SGCD: variants seen among roughly 807,000 people sequenced by gnomAD.
SGCD encodes sarcoglycan delta, also known as delta-sarcoglycan.
A neutral mutation model predicts 36.6 loss-of-function variants in SGCD; 18 were observed. The observed-to-expected ratio is 0.49, with a 90% CI of 0.34 to 0.73. SGCD has a LOEUF of 0.73. Among genes scored for constraint, SGCD ranks in the 30% least tolerant of loss-of-function variants. SGCD has a pLI of 0.01. For synonymous variants in SGCD, 133 were observed against 130.6 expected (o/e 1.02, Z -0.12); for missense variants, 387 against 346.7 (o/e 1.12, Z -0.92).
chr5:156,616,908 T>C lies in SGCD; in HGVS notation c.502+21857T>C, dbSNP rs146022079. Among the ~76,000 whole-genome samples the C allele has an allele frequency of 4.8e-3, 729 of 152,262 alleles. 4 individuals carry two copies. Among genetic ancestry groups the C allele is most frequent in the Non-Finnish European group, 4.9e-3 (333 of 68,014 alleles). ...TTGCTTTTGCAGTACAGTGGCAGAGTTGAGTAGTTGAGACAGAGATCATAT... is the reference window on the plus strand; with the variant it reads ...TTGCTTTTGCAGTACAGTGGCAGAGCTGAGTAGTTGAGACAGAGATCATAT... On this transcript the variant is annotated intron_variant, in intron 6 of 8. Coordinates refer to ENST00000337851, the MANE Select transcript of SGCD (RefSeq NM_000337.6).
At chr5:156,612,381 A>G (rs280457) in intron 6 of SGCD, among the ~76,000 whole-genome samples, 40,116 of 152,182 alleles carry the variant, frequency 0.26, 5,382 homozygotes, top group East Asian at 0.31. Context: ...CCTAGGCTAC[A>G]TGAGTTTGTG....
chr5:155,929,248 C>T (rs1159210204), intron 1 of SGCD, among the ~76,000 whole-genome samples: 2 of 152,116 alleles, frequency 1.3e-5, no homozygotes, highest in Non-Finnish European at 1.5e-5. Flanking sequence ...TGATTTTTCT[C>T]TTCATTGGAT....
Position 156,759,398 on chromosome 5 carries a change from T to C in SGCD, c.*8T>C, listed in dbSNP as rs1373847621. 2 of 1,589,016 alleles carry C rather than the reference T, an allele frequency of 1.3e-6. No individual in the cohort carries two copies. Among genetic ancestry groups the C allele is most frequent in the Non-Finnish European group, 1.7e-6 (2 of 1,163,592 alleles). On this transcript the variant is annotated 3_prime_UTR_variant, in exon 9 of 9. Coordinates refer to ENST00000337851, the MANE Select transcript of SGCD (RefSeq NM_000337.6). ...ACAAGTGTCTGCCTCTGAAAGACTA[T>C]CCATAGTGGACATTGTTGGCAGCAT...
intron 3 of SGCD, among the ~76,000 whole-genome samples, chr5:156,472,726 A>T (rs1755025563): frequency 6.6e-6 from 1 of 152,182 alleles, no homozygotes; most frequent in South Asian, 2.1e-4. Flanking sequence ...CCCAGCCATG[A>T]TACAAATAAA....
chr5:155,901,682 T>C lies in SGCD; in HGVS notation c.-282+31258T>C, dbSNP rs1035075378. Among the ~76,000 whole-genome samples the C allele has an allele frequency of 3.3e-5, 5 of 152,196 alleles. No homozygotes were observed. In the East Asian group the frequency reaches 7.7e-4, roughly 23 times the overall value. ...TTTAAAACTGGCCTGACCTCACATA[T>C]CTGAAAGCTTCTGGAATCACCTATT... On this transcript the variant is annotated intron_variant, in intron 1 of 9. Transcript: ENST00000517913.
Position 156,635,677 on chromosome 5 carries a change from C to T in SGCD, c.503-11787C>T, listed in dbSNP as rs1277134867. 2.6e-5 allele frequency among the ~76,000 whole-genome samples: 4 copies of T among 152,052 alleles called. No homozygotes were observed. In the East Asian group the frequency reaches 5.8e-4, roughly 22 times the overall value. On this transcript the variant is annotated intron_variant, in intron 6 of 8. Transcript: ENST00000337851. ...CAGACTGGATTAAGAAAATGTGGCACCTATACACCATGGAATACTATGCAG... is the reference window on the plus strand; with the variant it reads ...CAGACTGGATTAAGAAAATGTGGCATCTATACACCATGGAATACTATGCAG...
intron 1 of SGCD, among the ~76,000 whole-genome samples, chr5:156,080,865 C>A (rs1011409339): frequency 2.0e-5 from 3 of 152,182 alleles, no homozygotes; most frequent in African/African-American, 4.8e-5. Flanking sequence ...TCTTCTGAGT[C>A]CCCCAAACTC....
intron 3 of SGCD, among the ~76,000 whole-genome samples, chr5:156,506,450 C>T (rs1756698935): frequency 6.6e-6 from 1 of 152,102 alleles, no homozygotes; most frequent in African/African-American, 2.4e-5. Flanking sequence ...ATTCAAAGCT[C>T]CCAGTTGTGG....
At chr5:156,111,649 G>C (rs1761788662) in intron 1 of SGCD, among the ~76,000 whole-genome samples, 1 of 148,004 alleles carries the variant, frequency 6.8e-6, no homozygotes, top group African/African-American at 2.6e-5. Flanking sequence ...TGTGTAGCTA[G>C]TCATGTGAAA....
intron 2 of SGCD, among the ~76,000 whole-genome samples, chr5:156,336,771 G>C (rs1439223058): frequency 6.6e-6 from 1 of 152,180 alleles, no homozygotes; most frequent in African/African-American, 2.4e-5. Flanking sequence ...ATGAATGAGA[G>C]AATTGTTTAA....
chr5:156,589,072 A>G (rs1325441786), intron 4 of SGCD, among the ~76,000 whole-genome samples, 159 bp from the exon 5 acceptor site: 1 of 151,288 alleles, frequency 6.6e-6, no homozygotes, highest in African/African-American at 2.4e-5. Context: ...GTTAATTATC[A>G]TGTACATAGG....
At chr5:156,707,287 T>G (rs1446769766) in intron 7 of SGCD, among the ~76,000 whole-genome samples, 1 of 152,208 alleles carries the variant, frequency 6.6e-6, no homozygotes, top group African/African-American at 2.4e-5. Context: ...CAGCATGTCA[T>G]GGAACACATT....
intron 3 of SGCD, among the ~76,000 whole-genome samples, chr5:156,349,409 A>G (rs562553671): frequency 7.9e-5 from 12 of 151,948 alleles, no homozygotes; most frequent in African/African-American, 2.9e-4. Context: ...AAAAAAAAAC[A>G]GGTGATCTCA....
intron 7 of SGCD, among the ~76,000 whole-genome samples, chr5:156,689,321 A>G (rs1754025726): frequency 6.6e-6 from 1 of 152,214 alleles, no homozygotes; most frequent in African/African-American, 2.4e-5. Context: ...TCTTTGGGAC[A>G]AAGTGACACA....
At chr5:155,838,393 ATAATTT>A in the SGCD span, among the ~76,000 whole-genome samples, 2 of 152,154 alleles carry the variant, frequency 1.3e-5, no homozygotes, top group African/African-American at 4.8e-5. Context: ...CTGTTTTCTC[ATAATTT>A]ATTTGTTGAA....
intron 3 of SGCD, among the ~76,000 whole-genome samples, chr5:156,502,268 G>A (rs1412894850): frequency 6.6e-6 from 1 of 151,844 alleles, no homozygotes; most frequent in Admixed American, 6.6e-5. Flanking sequence ...GGATGGTCTC[G>A]ATCTCCTGAC....
the SGCD span, among the ~76,000 whole-genome samples, chr5:155,804,394 T>C: frequency 6.6e-6 from 1 of 152,248 alleles, no homozygotes; most frequent in Non-Finnish European, 1.5e-5. Flanking sequence ...TATTTAACTC[T>C]TAACCTTAGA....
intron 3 of SGCD, among the ~76,000 whole-genome samples, chr5:156,478,828 A>G (rs1304923669): frequency 3.3e-5 from 5 of 151,914 alleles, no homozygotes; most frequent in Non-Finnish European, 7.4e-5. Context: ...TGATCCACTC[A>G]CCTTGGCCTC....
intron 3 of SGCD, among the ~76,000 whole-genome samples, chr5:156,173,636 AT>A (rs1275154932): frequency 6.6e-6 from 1 of 152,136 alleles, no homozygotes; most frequent in Non-Finnish European, 1.5e-5. Context: ...TTATAGAGAC[AT>A]TTTTTATTTC....
Sources: gnomAD v4.1 joint callset for allele counts (sites outside exome capture counted in the v4.1 genomes callset) on GRCh38, gnomAD v4.1.1 for gene constraint, MANE v1.5 for transcripts, NCBI Gene and HGNC (gene_info 2026-07-23, HGNC 2026-07-21) for gene names.